ZNF18: variants seen among roughly 807,000 people sequenced by gnomAD.
ZNF18 encodes the protein heart development-specific gene 1 protein.
In ZNF18, 42 loss-of-function variants were observed where a neutral mutation model predicts 58.1. The observed-to-expected ratio is 0.72, with a 90% confidence interval of 0.56 to 0.93. The LOEUF (loss-of-function observed/expected upper bound fraction) is 0.93, where lower values mean the gene tolerates loss of function less well. Among genes scored for constraint, ZNF18 ranks in the 40% least tolerant of loss-of-function variants. The pLI is 0.00. For missense variants in ZNF18, 540 were observed against 644.2 expected (o/e 0.84, Z 1.75); for synonymous variants, 231 against 239.8 (o/e 0.96, Z 0.34).
the ZNF18 span, among the ~76,000 whole-genome samples, chr17:12,011,909 C>T: frequency 6.6e-6 from 1 of 151,636 alleles, no homozygotes; most frequent in Non-Finnish European, 1.5e-5. Flanking sequence ...CCACATTGGC[C>T]AGGGTGGTCT....
rs1419799837 is a variant in ZNF18, at chr17:11,995,063, C to A, written c.-82-2152G>T. On this transcript the variant is annotated intron_variant, in intron 1 of 6. Coordinates refer to ENST00000580306, the MANE Select transcript of ZNF18 (RefSeq NM_001303281.2). ...ATAAATGGACCCTTGCAACCGTAATCCAATACCAAATGTTTTTTATGTGGT... is the reference window on the plus strand; with the variant it reads ...ATAAATGGACCCTTGCAACCGTAATACAATACCAAATGTTTTTTATGTGGT... Among the ~76,000 whole-genome samples the A allele has an allele frequency of 1.3e-5, 2 of 152,162 alleles. 1 individual carries two copies. Among genetic ancestry groups the A allele is most frequent in the East Asian group, 3.9e-4 (2 of 5,156 alleles).
chr17:12,007,913 G>C, the ZNF18 span, among the ~76,000 whole-genome samples: 1 of 152,136 alleles, frequency 6.6e-6, no homozygotes, highest in African/African-American at 2.4e-5. Flanking sequence ...AACACAGAGA[G>C]AGAAGATGAT....
At chr17:12,001,798 T>C (rs1214978425), upstream of ZNF18, among the ~76,000 whole-genome samples, 1 of 152,022 alleles carries the variant, frequency 6.6e-6, no homozygotes, top group Non-Finnish European at 1.5e-5. Context: ...TTATACCCCA[T>C]AAATATATAA....
At chr17:11,988,184 C>T (rs1267660474) in intron 4 of ZNF18, among the ~76,000 whole-genome samples, 3 of 152,124 alleles carry the variant, frequency 2.0e-5, no homozygotes, top group Non-Finnish European at 2.9e-5. Flanking sequence ...TTGAATTTAC[C>T]TTCTGCCTGA....
At chr17:12,005,783 T>C in the ZNF18 span, among the ~76,000 whole-genome samples, 1 of 152,168 alleles carries the variant, frequency 6.6e-6, no homozygotes, top group Non-Finnish European at 1.5e-5. Flanking sequence ...ATTTTTACCA[T>C]AGACTTTTTA....
At chr17:11,998,576 ATTATCATAACATGTCCTGTACCTG>A (rs1246765817), upstream of ZNF18, among the ~76,000 whole-genome samples, 30 of 150,274 alleles carry the variant, frequency 2.0e-4, no homozygotes, top group African/African-American at 6.8e-4. Context: ...TGTACCTGTC[ATTATCATAACATGTCCTGTACCTG>A]TCATTATCAT....
chr17:12,000,240 A>G (rs77998523), upstream of ZNF18, among the ~76,000 whole-genome samples: 2,001 of 152,254 alleles, frequency 0.013, 44 homozygotes, highest in African/African-American at 0.042. Context: ...TAGGCCATGA[A>G]ACAATGAGTG....
chr17:11,989,113 C>T (rs916987103), intron 4 of ZNF18, among the ~76,000 whole-genome samples: 6 of 151,076 alleles, frequency 4.0e-5, no homozygotes, highest in South Asian at 2.1e-4. Flanking sequence ...GAGCTGAGAT[C>T]GCGCCACTGC....
intron 4 of ZNF18, among the ~76,000 whole-genome samples, chr17:11,988,964 G>C (rs1173640995): frequency 6.6e-6 from 1 of 151,992 alleles, no homozygotes; most frequent in Admixed American, 6.6e-5. Context: ...TTCGAGACCA[G>C]CCTGGTCAAC....
chr17:12,015,611 A>C, the ZNF18 span, among the ~76,000 whole-genome samples: 2 of 152,216 alleles, frequency 1.3e-5, no homozygotes, highest in Non-Finnish European at 2.9e-5. Context: ...GTAGCAGTCT[A>C]TCCACCACCT....
the ZNF18 span, among the ~76,000 whole-genome samples, chr17:12,019,294 ATGTGTG>A: frequency 0.36 from 52,764 of 145,176 alleles, 9,866 homozygotes; most frequent in South Asian, 0.46. Flanking sequence ...ATAATATTGG[ATGTGTG>A]TGTGTGTGTG....
chr17:12,013,661 C>T, the ZNF18 span, among the ~76,000 whole-genome samples: 3 of 152,170 alleles, frequency 2.0e-5, no homozygotes, highest in African/African-American at 7.2e-5. Context: ...TGACATTTCT[C>T]TCCTGCTCAT....
chr17:12,006,770 T>C, the ZNF18 span, among the ~76,000 whole-genome samples: 1 of 152,064 alleles, frequency 6.6e-6, no homozygotes, highest in African/African-American at 2.4e-5. Flanking sequence ...AATATTACCA[T>C]ACTGTTTTTT....
chr17:12,015,094 G>T, the ZNF18 span, among the ~76,000 whole-genome samples: 71 of 152,128 alleles, frequency 4.7e-4, no homozygotes, highest in African/African-American at 1.7e-3. Flanking sequence ...ATAAGTAGGT[G>T]AATTATATGG....
chr17:11,994,913 C>T (rs1968365841), intron 1 of ZNF18, among the ~76,000 whole-genome samples: 1 of 152,080 alleles, frequency 6.6e-6, no homozygotes, highest in Non-Finnish European at 1.5e-5. Flanking sequence ...AGTGAATCAC[C>T]ATAAAGGTGG....
intron 4 of ZNF18, among the ~76,000 whole-genome samples, chr17:11,985,537 T>C (rs904419368): frequency 2.6e-5 from 4 of 151,852 alleles, no homozygotes; most frequent in African/African-American, 4.8e-5. Context: ...ATTTATAGTA[T>C]TTATCCATTT....
chr17:12,020,967 G>A, the ZNF18 span: 1 of 1,189,754 alleles, frequency 8.4e-7, no homozygotes, highest in Non-Finnish European at 1.0e-6. Context: ...TAGGGTCCCC[G>A]GCGCCAGGCC....
chr17:11,978,557 A>G lies in ZNF18; in HGVS notation c.1050T>C (p.Ile350=). The G allele has an allele frequency of 6.2e-7, 1 of 1,613,508 alleles. No individual in the cohort carries two copies. Among genetic ancestry groups the G allele is most frequent in the Non-Finnish European group, 8.5e-7 (1 of 1,179,862 alleles). ...GCTGTTCCCCTGTTCCCTCATCCTG[A>G]ATGTTTTGCAGAGCCTCAGGGAGAT... ...GENLPEALQN[I]QDEGTGEQLS... is the part of the protein sequence containing the mutation. The change falls in exon 7 of 7, where the codon ATT becomes ATC. Residue 350 remains isoleucine, a synonymous_variant. Transcript: ENST00000580306.
intron 2 of ZNF18, 46 bp downstream of exon 2, chr17:11,992,397 G>A (rs1228972413): frequency 1.9e-6 from 3 of 1,580,998 alleles, no homozygotes; most frequent in Admixed American, 1.7e-5. Context: ...TGGGACCAGA[G>A]AGGAGCCCTG....
Sources: allele counts gnomAD v4.1 joint callset (sites outside exome capture counted in the v4.1 genomes callset), GRCh38; gene constraint gnomAD v4.1.1; transcripts MANE v1.5; gene names NCBI Gene and HGNC (gene_info 2026-07-23, HGNC 2026-07-21).